GREM2: variants seen among roughly 807,000 people sequenced by gnomAD.
The protein encoded by GREM2 is gremlin 2, DAN family BMP antagonist.
Under a neutral mutation model 14.2 loss-of-function variants are expected in GREM2, and 11 were observed. The observed-to-expected ratio is 0.78, with a 90% CI of 0.49 to 1.28. The LOEUF is 1.28. Among genes scored for constraint, GREM2 ranks in the 50% most tolerant of loss-of-function variants. The pLI is 0.00. For missense variants in GREM2, 210 were observed against 218.5 expected (o/e 0.96, Z 0.24); for synonymous variants, 98 against 97.6 (o/e 1.00, Z -0.02).
At chr1:240,599,032 A>T (rs1679870295) in intron 1 of GREM2, among the ~76,000 whole-genome samples, 1 of 151,978 alleles carries the variant, frequency 6.6e-6, no homozygotes. Context: ...ATTTTGGGAG[A>T]CCGAGGCAGG....
chr1:240,522,412 G>T (rs1423215993), intron 1 of GREM2, among the ~76,000 whole-genome samples: 1 of 152,070 alleles, frequency 6.6e-6, no homozygotes, highest in Admixed American at 6.6e-5. Context: ...TTAAGACAGA[G>T]AAGAGATTTA....
intron 1 of GREM2, among the ~76,000 whole-genome samples, chr1:240,498,316 G>A (rs1185845934): frequency 6.6e-6 from 1 of 152,170 alleles, no homozygotes; most frequent in Non-Finnish European, 1.5e-5. Flanking sequence ...CGATGACTGG[G>A]GCGAAGTCAG....
intron 1 of GREM2, among the ~76,000 whole-genome samples, chr1:240,534,171 A>C (rs538218697): frequency 2.6e-5 from 4 of 152,206 alleles, no homozygotes; most frequent in Non-Finnish European, 5.9e-5. Context: ...ACAATTCAGG[A>C]AGAGAGGTGT....
intron 1 of GREM2, among the ~76,000 whole-genome samples, chr1:240,547,526 T>TAG (rs1397391142): frequency 2.5e-3 from 330 of 134,274 alleles, no homozygotes; most frequent in East Asian, 0.014. Flanking sequence ...TATATATATA[T>TAG]ATATATATAG....
intron 1 of GREM2, among the ~76,000 whole-genome samples, chr1:240,518,956 G>A (rs1678013334): frequency 7.6e-6 from 1 of 131,116 alleles, no homozygotes; most frequent in Non-Finnish European, 1.6e-5. Context: ...TCTTCAGGGT[G>A]TAATAAATAA....
At chr1:240,538,775 A>G (rs779657970) in intron 1 of GREM2, among the ~76,000 whole-genome samples, 1 of 152,170 alleles carries the variant, frequency 6.6e-6, no homozygotes, top group African/African-American at 2.4e-5. Flanking sequence ...GGTAAACTGT[A>G]TGTACTCGAC....
intron 1 of GREM2, among the ~76,000 whole-genome samples, chr1:240,557,899 AG>A (rs1353818314): frequency 6.6e-6 from 1 of 152,182 alleles, no homozygotes; most frequent in African/African-American, 2.4e-5. Context: ...GGTAAAGAAA[AG>A]TTTGAGGCTG....
chr1:240,525,501 C>CTT (rs201174959), intron 1 of GREM2, among the ~76,000 whole-genome samples: 57 of 147,694 alleles, frequency 3.9e-4, no homozygotes, highest in African/African-American at 1.3e-3. Context: ...ATGTTAATTT[C>CTT]TTTTTTTTTT....
At chr1:240,525,756 G>A (rs1384090779) in intron 1 of GREM2, among the ~76,000 whole-genome samples, 1 of 152,140 alleles carries the variant, frequency 6.6e-6, no homozygotes, top group Non-Finnish European at 1.5e-5. Context: ...TGCGATTACA[G>A]GCGTGAGCCA....
chr1:240,493,597 G>A, intron 1 of GREM2, 121 bp from the exon 2 acceptor site: 1 of 1,194,594 alleles, frequency 8.4e-7, no homozygotes, highest in East Asian at 2.6e-5. Flanking sequence ...GGAGTGCAGG[G>A]GCACGTAGCT....
intron 1 of GREM2, among the ~76,000 whole-genome samples, chr1:240,569,353 T>C (rs1470329415): frequency 6.6e-6 from 1 of 152,194 alleles, no homozygotes. Context: ...AAGATGATTC[T>C]AAAATTCATA....
chr1:240,581,361 A>G (rs1679480986), intron 1 of GREM2, among the ~76,000 whole-genome samples: 2 of 152,130 alleles, frequency 1.3e-5, no homozygotes, highest in South Asian at 4.1e-4. Context: ...TCTCTGTCTC[A>G]GTTACCATCT....
chr1:240,513,232 A>G (rs1030926455), intron 1 of GREM2, among the ~76,000 whole-genome samples: 1 of 152,142 alleles, frequency 6.6e-6, no homozygotes, highest in African/African-American at 2.4e-5. Flanking sequence ...AGGAGAGAGA[A>G]GAGCTAGCAT....
chr1:240,495,021 G>A (rs554274480), intron 1 of GREM2, among the ~76,000 whole-genome samples: 2 of 152,368 alleles, frequency 1.3e-5, no homozygotes, highest in African/African-American at 4.8e-5. Context: ...CAATAGGAAT[G>A]AGAATTGGAC....
intron 1 of GREM2, among the ~76,000 whole-genome samples, chr1:240,535,453 A>T (rs183299959): frequency 0.015 from 2,248 of 152,306 alleles, 42 homozygotes; most frequent in Non-Finnish European, 0.017. Context: ...AAAAAATTTT[A>T]AAAAGCCAAG....
At chr1:240,517,373 G>A (rs1677977297) in intron 1 of GREM2, among the ~76,000 whole-genome samples, 1 of 152,158 alleles carries the variant, frequency 6.6e-6, no homozygotes, top group Non-Finnish European at 1.5e-5. Context: ...AAAATTCTTA[G>A]TAAATTTTGT....
At chr1:240,501,725 T>G (rs1677572979) in intron 1 of GREM2, among the ~76,000 whole-genome samples, 1 of 152,158 alleles carries the variant, frequency 6.6e-6, no homozygotes, top group Admixed American at 6.5e-5. Flanking sequence ...GCCCATGTTG[T>G]GACCCCGTGT....
chr1:240,571,610 C>G (rs1353315790), intron 1 of GREM2, among the ~76,000 whole-genome samples: 2 of 152,066 alleles, frequency 1.3e-5, no homozygotes, highest in Admixed American at 1.3e-4. Flanking sequence ...GCAGGAGAAT[C>G]TCTTTTGTAC....
intron 1 of GREM2, among the ~76,000 whole-genome samples, chr1:240,550,924 G>A (rs1420812629): frequency 6.6e-6 from 1 of 152,112 alleles, no homozygotes; most frequent in Non-Finnish European, 1.5e-5. Context: ...TGCAATTACT[G>A]TAGCAAAATC....
Sources: allele counts gnomAD v4.1 joint callset (sites outside exome capture counted in the v4.1 genomes callset), GRCh38; gene constraint gnomAD v4.1.1; transcripts MANE v1.5; gene names NCBI Gene and HGNC (gene_info 2026-07-23, HGNC 2026-07-21).